Variants in COG5 observed in about 807,000 individuals in gnomAD.
COG5 encodes the protein component of oligomeric golgi complex 5, also known as conserved oligomeric Golgi complex subunit 5.
COG5 carries 86 observed loss-of-function variants against 110.4 expected under a neutral mutation model. That is an observed-to-expected ratio of 0.78 (90% CI 0.65 to 0.93). COG5 has a LOEUF of 0.93. Among genes scored for constraint, COG5 ranks in the 40% least tolerant of loss-of-function variants. The pLI, the probability that COG5 is intolerant of heterozygous loss-of-function variation, is 0.00. For missense variants in COG5, 1,077 were observed against 987.0 expected, an observed-to-expected ratio of 1.09 and a Z score of -1.22; for synonymous variants, 360 against 334.6, an observed-to-expected ratio of 1.08 and a Z score of -0.83.
intron 11 of COG5, among the ~76,000 whole-genome samples, chr7:107,313,468 A>G (rs182812603): frequency 1.3e-3 from 203 of 152,332 alleles, no homozygotes; most frequent in Middle Eastern, 0.01. Context: ...ACAGTACCTA[A>G]TAAGCTGAGA....
rs1185421891 is a variant in COG5 at position 107,563,798 on chromosome 7, C to A, written c.94+5G>T. The A allele has an allele frequency of 1.6e-5, 26 of 1,613,898 alleles. No homozygotes were observed. The highest frequency in any genetic ancestry group is 2.2e-5 in the Non-Finnish European group (26 of 1,179,872). On this transcript the variant is annotated splice_donor_5th_base_variant and intron_variant, in intron 1 of 21. Transcript: ENST00000297135. ...CCACGACCTGGTCAGACCCCGTCTC[C>A]TTACCGTCCTGCAGAAGTTCCCGGA...
rs1800845341 is a variant in COG5 at position 107,527,319 on chromosome 7, C to A, written c.456G>T (p.Leu152Phe). The change falls in exon 6 of 22, where the codon TTG becomes TTT. Residue 152 changes from leucine (L) to phenylalanine (F), a missense_variant. Leu to Phe is a conservative substitution (Grantham distance 22, BLOSUM62 0). Coordinates refer to ENST00000297135, the MANE Select transcript of COG5 (RefSeq NM_006348.5). ...CDLLRRIIRI[L>F]NLSKRLQGQL... is the part of the protein sequence containing the mutation. ...GTCCTTGGAGTCTCTTACTGAGATT[C>A]AAGATACGAATAATCCTCCGAAGCA... is the stretch of plus-strand genomic sequence containing the variant. 6.2e-7 allele frequency: 1 copy of A among 1,613,222 alleles called. No individual in the cohort carries two copies. Among genetic ancestry groups the A allele is most frequent in the Non-Finnish European group, 8.5e-7 (1 of 1,179,674 alleles).
chr7:107,528,130 T>A (rs1377291866), intron 5 of COG5, among the ~76,000 whole-genome samples: 1 of 151,990 alleles, frequency 6.6e-6, no homozygotes, highest in Admixed American at 6.6e-5. Flanking sequence ...CTCGCTCAGT[T>A]GCCCAAACTG....
chr7:107,534,229 C>T lies in COG5; in HGVS notation c.418-6872G>A, dbSNP rs540938668. Among the ~76,000 whole-genome samples the T allele has an allele frequency of 5.9e-5, 9 of 151,650 alleles. No homozygotes were observed. The South Asian group carries it at 1.9e-3, about 31-fold the overall frequency. On this transcript the variant is annotated intron_variant, in intron 5 of 21. Transcript: ENST00000297135. ...GCAAAAACAAACCAAAAGTTAAAGACCATCAACACTATGAAGAATCTGCAT... is the reference window on the plus strand; with the variant it reads ...GCAAAAACAAACCAAAAGTTAAAGATCATCAACACTATGAAGAATCTGCAT...
chr7:107,298,279 T>TA lies in COG5; in HGVS notation c.1175dup (p.Leu392PhefsTer17). On this transcript the variant is annotated frameshift_variant, in exon 12 of 22. Transcript: ENST00000297135. LOFTEE classifies it high-confidence loss of function. ...GACTGTATTGTTGAAGACGCTTCCA[T>TA]AAGTCATTATAAAGACGTAATAATT... The TA allele has an allele frequency of 1.2e-6, 2 of 1,613,668 alleles. No individual in the cohort carries two copies. Among genetic ancestry groups the TA allele is most frequent in the Non-Finnish European group, 1.7e-6 (2 of 1,179,758 alleles).
chr7:107,506,538 G>A (rs1799021832), intron 6 of COG5, among the ~76,000 whole-genome samples: 1 of 152,156 alleles, frequency 6.6e-6, no homozygotes, highest in Admixed American at 6.5e-5. Flanking sequence ...TGTCTCTGCT[G>A]CACAGAGAAT....
intron 10 of COG5, among the ~76,000 whole-genome samples, chr7:107,332,866 T>C (rs556280222): frequency 2.0e-5 from 3 of 150,938 alleles, no homozygotes; most frequent in Admixed American, 6.6e-5. Flanking sequence ...AGGAAAGAAG[T>C]TGATACCGGA....
chr7:107,204,600 CTT>C (rs1798617375), intron 21 of COG5, among the ~76,000 whole-genome samples: 1 of 152,294 alleles, frequency 6.6e-6, no homozygotes, highest in South Asian at 2.1e-4. Context: ...TACGATAGCA[CTT>C]AAGTGGTTTT....
At chr7:107,392,357 C>A (rs181544598) in intron 7 of COG5, among the ~76,000 whole-genome samples, 329 of 151,900 alleles carry the variant, frequency 2.2e-3, no homozygotes, top group Non-Finnish European at 3.4e-3. Context: ...TACTTTTCCC[C>A]AAAAAAATGT....
chr7:107,551,652 C>T (rs1197558274), intron 3 of COG5, among the ~76,000 whole-genome samples: 1 of 152,208 alleles, frequency 6.6e-6, no homozygotes, highest in African/African-American at 2.4e-5. Flanking sequence ...GGGTCTTGCT[C>T]TGTCACCCAG....
intron 11 of COG5, among the ~76,000 whole-genome samples, chr7:107,302,152 A>T (rs896023366): frequency 1.3e-5 from 2 of 152,238 alleles, no homozygotes; most frequent in Non-Finnish European, 2.9e-5. Context: ...CAACAGGCCA[A>T]TGCATAAACA....
chr7:107,243,511 CAA>C (rs759045963), intron 17 of COG5, among the ~76,000 whole-genome samples: 2,350 of 78,462 alleles, frequency 0.03, 82 homozygotes, highest in African/African-American at 0.11. Context: ...GACTCCATCT[CAA>C]AAAAAAAAAA....
At chr7:107,561,611 G>A (rs1803777353) in intron 1 of COG5, among the ~76,000 whole-genome samples, 2 of 152,234 alleles carry the variant, frequency 1.3e-5, no homozygotes, top group Admixed American at 1.3e-4. Flanking sequence ...GGCATAGATT[G>A]AGGGTGACTG....
At chr7:107,558,749 G>A (rs1250708969) in intron 1 of COG5, among the ~76,000 whole-genome samples, 11 of 150,226 alleles carry the variant, frequency 7.3e-5, no homozygotes, top group African/African-American at 2.4e-4. Flanking sequence ...TTAGCCGGGC[G>A]TGGTGGTGGG....
At position 107,310,924 on chromosome 7, in the gene COG5, T is replaced by A. The variant is rs78610616; in HGVS notation, c.1109-12578A>T. 3.1e-3 allele frequency among the ~76,000 whole-genome samples: 452 copies of A among 147,580 alleles called. 14 individuals are homozygous for A. Among genetic ancestry groups the A allele is most frequent in the Admixed American group, 0.024 (356 of 14,862 alleles). ...TCAATAAAAGTTCTCAGCACATATG[T>A]AAAAAAAAAAAATCCATTCCATTCT... On this transcript the variant is annotated intron_variant, in intron 11 of 21. Coordinates refer to ENST00000297135, the MANE Select transcript of COG5 (RefSeq NM_006348.5).
At chr7:107,515,342 G>A (rs1440067753) in intron 6 of COG5, among the ~76,000 whole-genome samples, 6 of 151,922 alleles carry the variant, frequency 3.9e-5, no homozygotes, top group South Asian at 2.1e-4. Flanking sequence ...TTCATAAAAC[G>A]AAGAGATTGA....
At chr7:107,207,751 A>ATGAG in intron 21 of COG5, 1 of 984,450 alleles carries the variant, frequency 1.0e-6, no homozygotes, top group Non-Finnish European at 1.2e-6. Context: ...ACTTGGTCCC[A>ATGAG]TGAGTAAGTT....
chr7:107,272,335 T>A (rs1437261670), intron 14 of COG5, among the ~76,000 whole-genome samples: 1 of 152,164 alleles, frequency 6.6e-6, no homozygotes, highest in Non-Finnish European at 1.5e-5. Flanking sequence ...GGAAGCCCCC[T>A]CCCCGCTTTG....
intron 14 of COG5, among the ~76,000 whole-genome samples, chr7:107,265,002 G>C (rs1803683837): frequency 6.6e-6 from 1 of 152,004 alleles, no homozygotes; most frequent in African/African-American, 2.4e-5. Context: ...TACATAAAGA[G>C]GAAGATTAGT....
Sources: gnomAD v4.1 joint callset for allele counts (sites outside exome capture counted in the v4.1 genomes callset) on GRCh38, gnomAD v4.1.1 for gene constraint, MANE v1.5 for transcripts, NCBI Gene and HGNC (gene_info 2026-07-23, HGNC 2026-07-21) for gene names.